Variants in NAV2 observed in about 807,000 individuals in gnomAD.
NAV2 encodes the protein neuron navigator 2.
In NAV2, 54 loss-of-function variants were observed where a neutral mutation model predicts 223.2. The observed-to-expected ratio is 0.24, with a 90% confidence interval of 0.19 to 0.30. The LOEUF (loss-of-function observed/expected upper bound fraction) is 0.30, where lower values mean the gene tolerates loss of function less well. NAV2 is among the 10% of genes least tolerant of loss of function. NAV2 has a pLI of 1.00. For missense variants in NAV2, 2,806 were observed against 3,147.5 expected (o/e 0.89, Z 2.60); for synonymous variants, 1,279 against 1,239.3 (o/e 1.03, Z -0.67).
At chr11:19,401,081 A>G (rs10833106) in intron 1 of NAV2, among the ~76,000 whole-genome samples, 29,424 of 152,186 alleles carry the variant, frequency 0.19, 3,284 homozygotes, top group South Asian at 0.39. Context: ...ATCAAAATAG[A>G]GCCTAATGGA....
At chr11:19,642,262 T>TCTTCTGCAG (rs1275622789) in intron 1 of NAV2, among the ~76,000 whole-genome samples, 1 of 152,220 alleles carries the variant, frequency 6.6e-6, no homozygotes, top group African/African-American at 2.4e-5. Context: ...GAGGCCATTG[T>TCTTCTGCAG]TCAATAAGCT....
chr11:19,753,666 C>T (rs531551858), intron 1 of NAV2, among the ~76,000 whole-genome samples: 125 of 152,340 alleles, frequency 8.2e-4, no homozygotes, highest in African/African-American at 2.8e-3. Flanking sequence ...ATTCCTTTGT[C>T]CCCTGCTCCC....
intron 6 of NAV2, among the ~76,000 whole-genome samples, chr11:19,912,887 G>C (rs912033914): frequency 6.6e-6 from 1 of 152,194 alleles, no homozygotes; most frequent in East Asian, 1.9e-4. Context: ...CAGGATTAAG[G>C]CATGTAATCC....
intron 37 of NAV2, among the ~76,000 whole-genome samples, chr11:20,117,921 A>G (rs1488753707): frequency 1.3e-5 from 2 of 152,234 alleles, no homozygotes; most frequent in African/African-American, 2.4e-5. Flanking sequence ...TAAAGAGGTT[A>G]AGTAATGTGT....
In NAV2 at chr11:20,114,778, G is replaced by T. The variant is rs1293447602; in HGVS notation, c.7147G>T (p.Ala2383Ser). The T allele has an allele frequency of 6.2e-7, 1 of 1,613,560 alleles. No homozygotes were observed. The highest frequency in any genetic ancestry group is 1.3e-5 in the African/African-American group (1 of 74,904). ...AAGCAAGCAGATGCCCCCCAGTGATGCTGAAGGTGACCCGCTGGTGAGTCC... is the reference window on the plus strand; with the variant it reads ...AAGCAAGCAGATGCCCCCCAGTGATTCTGAAGGTGACCCGCTGGTGAGTCC... ...STSKQMPPSD[A>S]EGDPLMNMLM... The change falls in exon 37 of 38, where the codon GCT becomes TCT. Residue 2383 changes from alanine to serine, a missense_variant. By Grantham distance (99) the Ala-to-Ser change is moderately conservative. This residue lies in a region of NAV2 where 824 missense variants were observed against 1,069.4 expected (regional missense o/e 0.77). Coordinates refer to ENST00000349880, the MANE Select transcript of NAV2 (RefSeq NM_145117.5).
At position 19,892,474 on chromosome 11, in the gene NAV2, G is replaced by A. The variant is rs767119834; in HGVS notation, c.811G>A (p.Glu271Lys). Residue 271 changes from glutamate (E) to lysine (K), a missense_variant, in exon 6 of 38, where the codon GAG (glutamate) becomes AAG (lysine). By Grantham distance (56) the Glu-to-Lys change is moderately conservative (BLOSUM62 1). This residue lies in a region of NAV2 where 1,167 missense variants were observed against 1,180.5 expected (regional missense o/e 0.99). Transcript: ENST00000349880. Reference protein sequence around the residue: ...PTARVSAAGSEAKTRGGSTTA... With the variant: ...PTARVSAAGSKAKTRGGSTTA... ...CGCGAGGGTATCCGCTGCAGGCAGCGAGGCCAAAACACGCGGAGGGTCAAC... is the reference window on the plus strand; with the variant it reads ...CGCGAGGGTATCCGCTGCAGGCAGCAAGGCCAAAACACGCGGAGGGTCAAC... 1.2e-5 allele frequency: 19 copies of A among 1,613,968 alleles called. No homozygotes were observed. The highest frequency in any genetic ancestry group is 1.6e-4 in the Middle Eastern group (1 of 6,070).
intron 1 of NAV2, among the ~76,000 whole-genome samples, chr11:19,366,750 G>C (rs1848299332): frequency 1.3e-5 from 2 of 152,110 alleles, no homozygotes; most frequent in African/African-American, 2.4e-5. Context: ...CTGTTTAGGA[G>C]AGAGCACCAA....
chr11:19,924,477 G>T (rs755131221), intron 6 of NAV2, among the ~76,000 whole-genome samples: 137 of 152,286 alleles, frequency 9.0e-4, no homozygotes, highest in Non-Finnish European at 9.3e-4. Context: ...GGCCTCTTCT[G>T]CTTCCTCTGG....
chr11:19,362,338 A>G (rs1021557943), intron 1 of NAV2, among the ~76,000 whole-genome samples: 3 of 152,154 alleles, frequency 2.0e-5, no homozygotes, highest in African/African-American at 7.2e-5. Context: ...CTACCATATT[A>G]TTACCACCTT....
intron 1 of NAV2, among the ~76,000 whole-genome samples, chr11:19,613,290 T>C (rs907195905): frequency 1.3e-5 from 2 of 152,056 alleles, no homozygotes; most frequent in African/African-American, 4.8e-5. Context: ...GTCTACCCTG[T>C]GTTTGAGCTG....
At chr11:19,518,926 C>T (rs1171532912) in intron 1 of NAV2, among the ~76,000 whole-genome samples, 1 of 152,092 alleles carries the variant, frequency 6.6e-6, no homozygotes, top group Non-Finnish European at 1.5e-5. Flanking sequence ...AAAGGGACCC[C>T]ATAGAGCTCC....
intron 1 of NAV2, among the ~76,000 whole-genome samples, chr11:19,685,473 T>C (rs1590087658): frequency 6.6e-6 from 1 of 151,544 alleles, no homozygotes; most frequent in South Asian, 2.1e-4. Context: ...GGCTGAGGAG[T>C]CAAGCTCTGC....
intron 27 of NAV2, among the ~76,000 whole-genome samples, chr11:20,091,365 G>T (rs2060837900): frequency 6.6e-6 from 1 of 152,158 alleles, no homozygotes; most frequent in Non-Finnish European, 1.5e-5. Context: ...CTACTCGCCA[G>T]CCAGATGGAG....
chr11:19,777,093 A>ACCCCC (rs1166485329), intron 1 of NAV2, among the ~76,000 whole-genome samples: 1 of 126,154 alleles, frequency 7.9e-6, no homozygotes, highest in Non-Finnish European at 1.8e-5. Flanking sequence ...CCAGCCGCCG[A>ACCCCC]CCCCCCCCCC....
intron 1 of NAV2, among the ~76,000 whole-genome samples, chr11:19,726,902 T>A (rs1434368915): frequency 2.0e-5 from 3 of 152,094 alleles, no homozygotes; most frequent in African/African-American, 7.2e-5. Flanking sequence ...AGAAACCCCA[T>A]CCCACAAAGT....
At chr11:19,408,764 C>G (rs975185547) in intron 1 of NAV2, among the ~76,000 whole-genome samples, 4 of 152,104 alleles carry the variant, frequency 2.6e-5, no homozygotes, top group Non-Finnish European at 5.9e-5. Context: ...AACGGCAGAG[C>G]CAGAATTCGA....
At chr11:20,085,968 A>G (rs534705541) in intron 26 of NAV2, among the ~76,000 whole-genome samples, 73 of 152,304 alleles carry the variant, frequency 4.8e-4, no homozygotes, top group African/African-American at 6.7e-4. Flanking sequence ...CAGCCTCCCA[A>G]TGAGCAGGGC....
At chr11:19,662,462 T>C (rs2135739185) in intron 1 of NAV2, among the ~76,000 whole-genome samples, 1 of 152,312 alleles carries the variant, frequency 6.6e-6, no homozygotes, top group South Asian at 2.1e-4. Context: ...TAAGACCAGA[T>C]CCCTGCCTCC....
At chr11:19,596,999 C>G (rs1327389959) in intron 1 of NAV2, among the ~76,000 whole-genome samples, 1 of 152,196 alleles carries the variant, frequency 6.6e-6, no homozygotes, top group Admixed American at 6.5e-5. Flanking sequence ...AGCTGGCCCC[C>G]CTGACTCCAC....
Sources: gnomAD v4.1 joint callset for allele counts (sites outside exome capture counted in the v4.1 genomes callset) on GRCh38, gnomAD v4.1.1 for gene constraint, gnomAD v4.1.1 regional missense constraint, MANE v1.5 for transcripts, NCBI Gene and HGNC (gene_info 2026-07-23, HGNC 2026-07-21) for gene names.